CTIF: variants seen among roughly 807,000 people sequenced by gnomAD.
CTIF encodes the protein cap binding complex dependent translation initiation factor.
Under a neutral mutation model 66.0 loss-of-function variants are expected in CTIF, and 21 were observed. The observed-to-expected ratio is 0.32, with a 90% CI of 0.23 to 0.46. The LOEUF is 0.46. Among genes scored for constraint, CTIF ranks in the 20% least tolerant of loss-of-function variants. The probability of loss-of-function intolerance (pLI) is 1.00; values close to 1 mark genes in which losing one functional copy is unlikely to be tolerated. For missense variants in CTIF, 739 were observed against 812.7 expected, an observed-to-expected ratio of 0.91 and a Z score of 1.10; for synonymous variants, 345 against 326.4, an observed-to-expected ratio of 1.06 and a Z score of -0.62.
At chr18:48,580,373 G>T (rs1210437318) in intron 1 of CTIF, among the ~76,000 whole-genome samples, 1 of 152,102 alleles carries the variant, frequency 6.6e-6, no homozygotes, top group Non-Finnish European at 1.5e-5. Context: ...TCCGTTCCAA[G>T]ATATCTCTGT....
intron 1 of CTIF, among the ~76,000 whole-genome samples, chr18:48,551,821 G>C (rs751817859): frequency 2.6e-5 from 4 of 151,306 alleles, no homozygotes; most frequent in Non-Finnish European, 5.9e-5. Flanking sequence ...TTTTGGAGAC[G>C]GAGTCTTACT....
chr18:48,775,736 G>A (rs1015926823), intron 9 of CTIF, among the ~76,000 whole-genome samples: 1 of 152,270 alleles, frequency 6.6e-6, no homozygotes, highest in African/African-American at 2.4e-5. Flanking sequence ...CCTGGAGGAG[G>A]AAGCATGAAG....
chr18:48,675,186 AC>A (rs771315338), intron 6 of CTIF, among the ~76,000 whole-genome samples: 110 of 152,246 alleles, frequency 7.2e-4, no homozygotes, highest in Middle Eastern at 3.4e-3. Context: ...TTGGGCTCAG[AC>A]TGCAGTTCTA....
intron 10 of CTIF, among the ~76,000 whole-genome samples, chr18:48,835,525 G>A (rs897452431): frequency 6.6e-6 from 1 of 152,168 alleles, no homozygotes; most frequent in Non-Finnish European, 1.5e-5. Flanking sequence ...TCTGGGAGAG[G>A]TGCAGATTTT....
At chr18:48,701,970 G>A (rs955875976) in intron 6 of CTIF, among the ~76,000 whole-genome samples, 26 of 152,122 alleles carry the variant, frequency 1.7e-4, no homozygotes, top group African/African-American at 5.8e-4. Flanking sequence ...TATTTTAAAC[G>A]TAAAAAGAAT....
At chr18:48,616,468 T>A (rs1035579815) in intron 1 of CTIF, among the ~76,000 whole-genome samples, 9 of 152,284 alleles carry the variant, frequency 5.9e-5, no homozygotes, top group Admixed American at 3.3e-4. Context: ...CCTGAGGGAC[T>A]GAGCAGGCCA....
intron 9 of CTIF, among the ~76,000 whole-genome samples, chr18:48,789,717 A>T (rs2067751014): frequency 6.6e-6 from 1 of 152,226 alleles, no homozygotes; most frequent in South Asian, 2.1e-4. Context: ...TGATTCTAAA[A>T]TATATATGGA....
chr18:48,540,459 G>T (rs1202989581), intron 1 of CTIF: 2 of 151,972 alleles, frequency 1.3e-5, no homozygotes, highest in Non-Finnish European at 2.9e-5. Flanking sequence ...CGGAGGGGGC[G>T]TCCGGGACAC....
At chr18:48,540,203 A>G (rs2088572978) in intron 1 of CTIF, 1 of 151,938 alleles carries the variant, frequency 6.6e-6, no homozygotes, top group South Asian at 2.1e-4. Flanking sequence ...CTGCGGTGCA[A>G]TCGGGCCTGG....
At chr18:48,702,945 C>G (rs563651251) in intron 6 of CTIF, among the ~76,000 whole-genome samples, 5 of 152,044 alleles carry the variant, frequency 3.3e-5, no homozygotes, top group Non-Finnish European at 5.9e-5. Context: ...TGACCCCCAG[C>G]AGGAGGAAGC....
At chr18:48,608,335 G>T (rs2090242164) in intron 1 of CTIF, among the ~76,000 whole-genome samples, 1 of 152,186 alleles carries the variant, frequency 6.6e-6, no homozygotes, top group South Asian at 2.1e-4. Context: ...GAAATATTTT[G>T]ATTTATAAAC....
chr18:48,681,938 A>C (rs1411267134), intron 6 of CTIF, among the ~76,000 whole-genome samples: 1 of 152,094 alleles, frequency 6.6e-6, no homozygotes, highest in African/African-American at 2.4e-5. Flanking sequence ...GGCGCGTGCC[A>C]CCACACCCGG....
chr18:48,640,287 C>A (rs1173473813), intron 3 of CTIF, among the ~76,000 whole-genome samples: 2 of 152,364 alleles, frequency 1.3e-5, no homozygotes, highest in African/African-American at 4.8e-5. Flanking sequence ...GTTCCGCGCA[C>A]ACCTGCCTGT....
chr18:48,859,256 T>C, intron 11 of CTIF, 88 bp from the exon 12 acceptor site: 1 of 1,128,128 alleles, frequency 8.9e-7, no homozygotes, highest in Non-Finnish European at 1.3e-6. Flanking sequence ...ACAACCCAGC[T>C]ATTTCCTATC....
chr18:48,679,420 G>T (rs532706647), intron 6 of CTIF, among the ~76,000 whole-genome samples: 1 of 152,334 alleles, frequency 6.6e-6, no homozygotes, highest in African/African-American at 2.4e-5. Flanking sequence ...GAACTGGCAA[G>T]CTTGGCAGAT....
At chr18:48,657,161 T>C (rs1257729684) in intron 3 of CTIF, among the ~76,000 whole-genome samples, 1 of 152,138 alleles carries the variant, frequency 6.6e-6, no homozygotes, top group Non-Finnish European at 1.5e-5. Context: ...CTCTGTGGAA[T>C]GAAAAGGAAG....
chr18:48,784,212 G>T (rs1009050905), intron 9 of CTIF, among the ~76,000 whole-genome samples: 1 of 152,202 alleles, frequency 6.6e-6, no homozygotes, highest in Non-Finnish European at 1.5e-5. Flanking sequence ...CCCGAGCATC[G>T]AGAGGAGAGA....
At chr18:48,638,064 C>G (rs1426610268) in intron 3 of CTIF, among the ~76,000 whole-genome samples, 1 of 151,988 alleles carries the variant, frequency 6.6e-6, no homozygotes, top group Non-Finnish European at 1.5e-5. Context: ...GGGGGTGCCT[C>G]TGTCTCTGCT....
chr18:48,685,708 G>C (rs963735442), intron 6 of CTIF, among the ~76,000 whole-genome samples: 1 of 151,870 alleles, frequency 6.6e-6, no homozygotes, highest in African/African-American at 2.4e-5. Flanking sequence ...ACAGAGTCAT[G>C]CTCTGTTGCC....
Sources: allele counts gnomAD v4.1 joint callset (sites outside exome capture counted in the v4.1 genomes callset), GRCh38; gene constraint gnomAD v4.1.1; transcripts MANE v1.5; gene names NCBI Gene and HGNC (gene_info 2026-07-23, HGNC 2026-07-21).